The following CHEK1 variants were observed in gnomAD, a reference collection of about 807,000 sequenced individuals.
CHEK1 encodes the protein serine/threonine-protein kinase Chk1.
In CHEK1, 32 loss-of-function variants were observed where a neutral mutation model predicts 60.2. The observed-to-expected ratio is 0.53, with a 90% CI of 0.40 to 0.71. CHEK1 has a LOEUF of 0.71. Ranked by LOEUF, CHEK1 falls within the 30% of genes least tolerant of loss-of-function variation. CHEK1 has a pLI of 0.00. For missense variants in CHEK1, 399 were observed against 564.6 expected, an observed-to-expected ratio of 0.71 and a Z score of 2.97; for synonymous variants, 179 against 187.2, an observed-to-expected ratio of 0.96 and a Z score of 0.36.
At chr11:125,654,800 C>T (rs192337666) in intron 12 of CHEK1, among the ~76,000 whole-genome samples, 12 of 152,234 alleles carry the variant, frequency 7.9e-5, no homozygotes, top group Admixed American at 7.2e-4. Context: ...AAATTAAGAT[C>T]GTAGTATAAT....
At chr11:125,659,856 C>T (rs1941980272), downstream of CHEK1, among the ~76,000 whole-genome samples, 1 of 152,178 alleles carries the variant, frequency 6.6e-6, no homozygotes, top group Admixed American at 6.5e-5. Flanking sequence ...TGCTCATTAG[C>T]AGTCACTCCC....
At chr11:125,630,646 A>G (rs1284963857) in intron 5 of CHEK1, among the ~76,000 whole-genome samples, 3 of 152,006 alleles carry the variant, frequency 2.0e-5, no homozygotes, top group Non-Finnish European at 2.9e-5. Flanking sequence ...TATGGATTTT[A>G]CTTTTTACCC....
chr11:125,626,718 T>C (rs1940629010), intron 1 of CHEK1, 31 bp from the exon 2 acceptor site: 1 of 1,606,182 alleles, frequency 6.2e-7, no homozygotes, highest in African/African-American at 1.3e-5. Flanking sequence ...TCTTACACTC[T>C]ACATCTTTTC....
chr11:125,666,376 A>AT (rs1237822471), intron 13 of CHEK1, among the ~76,000 whole-genome samples: 1 of 151,830 alleles, frequency 6.6e-6, no homozygotes, highest in African/African-American at 2.4e-5. Context: ...ACTTGATATG[A>AT]TTTTGACTTT....
chr11:125,677,758 C>G (rs1340489016), downstream of CHEK1: 2 of 1,606,338 alleles, frequency 1.2e-6, no homozygotes, highest in East Asian at 4.5e-5. Context: ...CATTTCCCAC[C>G]TGAAGTCAAT....
chr11:125,636,318 T>C (rs1941073414), intron 7 of CHEK1, among the ~76,000 whole-genome samples: 1 of 152,114 alleles, frequency 6.6e-6, no homozygotes, highest in Admixed American at 6.5e-5. Context: ...AAGGCTGTGA[T>C]AATATTCTGC....
rs1186550677 is a variant in CHEK1 at position 125,653,086 on chromosome 11, A to C, written c.1234-660A>C. Among the ~76,000 whole-genome samples, 1 of 152,024 alleles carries C rather than the reference A, an allele frequency of 6.6e-6. No homozygotes were observed. On this transcript the variant is annotated intron_variant, in intron 11 of 12. Coordinates refer to ENST00000438015, the MANE Select transcript of CHEK1 (RefSeq NM_001114122.3). This position sits in a 1 kb window ranked among gnomAD's most constrained non-coding sequence, Gnocchi z 4.3. ...ATGTTTAATTTTCTGTTCCTGGCTT[A>C]TTTCACTTTACATAATGTCCTCCAG...
At chr11:125,636,430 A>T (rs1220718526) in intron 7 of CHEK1, among the ~76,000 whole-genome samples, 1 of 152,152 alleles carries the variant, frequency 6.6e-6, no homozygotes, top group African/African-American at 2.4e-5. Flanking sequence ...TAACTTAATC[A>T]TGACACATAC....
chr11:125,654,097 G>A (rs754607222), intron 12 of CHEK1, among the ~76,000 whole-genome samples: 3 of 151,964 alleles, frequency 2.0e-5, no homozygotes, highest in Non-Finnish European at 4.4e-5. Context: ...TTGGGAGTCC[G>A]AGACGGGTGG....
At position 125,637,468 on chromosome 11, in the gene CHEK1, A is replaced by T. The variant is rs770782396; in HGVS notation, c.738A>T (p.Leu246Phe). Residue 246 changes from leucine to phenylalanine, a missense_variant, in exon 8 of 13, where the codon TTA becomes TTT. Leu to Phe is a conservative substitution (Grantham distance 22). Coordinates refer to ENST00000438015, the MANE Select transcript of CHEK1 (RefSeq NM_001114122.3). ...SAPLALLHKILVENPSARITI... is the reference protein window; with the variant it reads ...SAPLALLHKIFVENPSARITI... Reference sequence around the variant, plus strand: ...TTTTAGCTCTGCTGCATAAAATCTTAGTTGAGAATCCATCAGCAAGAATTA... The same window carrying T: ...TTTTAGCTCTGCTGCATAAAATCTTTGTTGAGAATCCATCAGCAAGAATTA... 2 of 1,606,112 alleles carry T rather than the reference A, an allele frequency of 1.2e-6. No individual in the cohort carries two copies. Among genetic ancestry groups the T allele is most frequent in the East Asian group, 2.3e-5 (1 of 44,334 alleles).
rs1057440910 is a variant in CHEK1 at position 125,625,838 on chromosome 11, C to T, written c.-195C>T. On this transcript the variant is annotated 5_prime_UTR_variant, in exon 1 of 13. Coordinates refer to ENST00000438015, the MANE Select transcript of CHEK1 (RefSeq NM_001114122.3). ...AAGCAGCCCTGGGCGGGAGCGGCAA[C>T]ATCTCCACGTCACCCTTTTGGAGCC... 95 of 702,520 alleles carry T rather than the reference C, an allele frequency of 1.4e-4. No individual in the cohort carries two copies. The African/African-American group carries it at 1.4e-3, about 10-fold the overall frequency. 43.5% of individuals were successfully genotyped at this position (702,520 alleles called of 1,614,324 possible).
At chr11:125,658,685 C>CTTTTTTTTTTTTTTTTTTTTTTTTT (rs67342073), downstream of CHEK1, among the ~76,000 whole-genome samples, 2 of 34,880 alleles carry the variant, frequency 5.7e-5, 1 homozygote, top group African/African-American at 2.2e-4. Flanking sequence ...ATGGCTTTTG[C>CTTTTTTTTTTTTTTTTTTTTTTTTT]TTTTTTTTTT....
At chr11:125,651,754 G>A (rs775127774) in intron 11 of CHEK1, among the ~76,000 whole-genome samples, 2 of 152,188 alleles carry the variant, frequency 1.3e-5, no homozygotes, top group African/African-American at 2.4e-5. Context: ...AAGTTAAAAT[G>A]CCAGAAAGCT....
chr11:125,631,960 G>T (rs963471724), intron 5 of CHEK1, among the ~76,000 whole-genome samples: 1 of 146,984 alleles, frequency 6.8e-6, no homozygotes, highest in Non-Finnish European at 1.5e-5. Flanking sequence ...TTGTGTGAAT[G>T]TACTTGATTT....
intron 13 of CHEK1, among the ~76,000 whole-genome samples, chr11:125,675,274 C>T (rs540037996): frequency 3.9e-5 from 6 of 152,222 alleles, no homozygotes; most frequent in Non-Finnish European, 8.8e-5. Context: ...CACCTCTAAT[C>T]TTTCCTTTCC....
At chr11:125,655,031 C>G (rs952923290) in intron 12 of CHEK1, among the ~76,000 whole-genome samples, 194 bp from the exon 13 acceptor site, 1 of 152,174 alleles carries the variant, frequency 6.6e-6, no homozygotes, top group Non-Finnish European at 1.5e-5. Flanking sequence ...CATGAAACCA[C>G]ATCAGAATTA....
chr11:125,666,951 T>TTTGTTGTTG (rs954007836), intron 13 of CHEK1, among the ~76,000 whole-genome samples: 4 of 151,952 alleles, frequency 2.6e-5, no homozygotes, highest in Non-Finnish European at 4.4e-5. Context: ...TCAGACAACT[T>TTTGTTGTTG]TTGTTGTTGT....
intron 13 of CHEK1, among the ~76,000 whole-genome samples, chr11:125,674,563 T>C (rs764444346): frequency 4.9e-4 from 75 of 152,204 alleles, no homozygotes; most frequent in Non-Finnish European, 9.8e-4. Context: ...AATAAGTCTT[T>C]CCATCAGTCA....
In CHEK1 at chr11:125,637,522, G is replaced by A. The variant is rs1470286568; in HGVS notation, c.792G>A (p.Trp264Ter). The A allele has an allele frequency of 1.9e-6, 3 of 1,609,868 alleles. No homozygotes were observed. Among genetic ancestry groups the A allele is most frequent in the Non-Finnish European group, 2.5e-6 (3 of 1,177,908 alleles). The change falls in exon 8 of 13, where the codon TGG (tryptophan) becomes TGA (stop). Residue 264 changes from tryptophan to a stop codon, truncating the protein, a stop_gained. Transcript: ENST00000438015. LOFTEE classifies it high-confidence loss of function. ...TTCCAGACATCAAAAAAGATAGATG[G>A]TACAACAAACCCCTCAAGAAAGGTA... is the stretch of plus-strand genomic sequence containing the variant. ...ITIPDIKKDR[W>*]YNKPLKKGAK...
Sources: gnomAD v4.1 joint callset for allele counts (sites outside exome capture counted in the v4.1 genomes callset) on GRCh38, gnomAD v4.1.1 for gene constraint, Gnocchi (gnomAD v3.1) non-coding constraint, MANE v1.5 for transcripts, NCBI Gene and HGNC (gene_info 2026-07-23, HGNC 2026-07-21) for gene names.